MIAT: variants seen among roughly 807,000 people sequenced by gnomAD.
MIAT encodes MI related novel mRNA.
chr22:26,647,096 C>T (rs1930246559), intron 1 of MIAT: 2 of 398,214 alleles, frequency 5.0e-6, no homozygotes, highest in South Asian at 2.7e-4. Flanking sequence ...TGGGATGACA[C>T]CGTCAGCATG....
chr22:26,655,390 G>A (rs1479570802), intron 2 of MIAT, among the ~76,000 whole-genome samples: 1 of 152,202 alleles, frequency 6.6e-6, no homozygotes, highest in East Asian at 1.9e-4. Flanking sequence ...CGGTGTCTGT[G>A]GGCAGCTCTC....
chr22:26,650,769 C>A (rs2145997468), intron 2 of MIAT, among the ~76,000 whole-genome samples: 1 of 152,252 alleles, frequency 6.6e-6, no homozygotes, highest in African/African-American at 2.4e-5. Flanking sequence ...GTGGTACATC[C>A]CTTCCTAGGG....
chr22:26,647,878 T>G (rs931243041), intron 2 of MIAT, among the ~76,000 whole-genome samples: 6 of 149,968 alleles, frequency 4.0e-5, no homozygotes, highest in Non-Finnish European at 8.9e-5. Context: ...GGGCTTGGAG[T>G]GCATTGGGTG....
At chr22:26,667,407 T>C (rs895439723) in intron 5 of MIAT, 8 of 370,214 alleles carry the variant, frequency 2.2e-5, no homozygotes, top group Non-Finnish European at 3.3e-5. Flanking sequence ...TGCATGTGTG[T>C]GCGCGTGTAT....
exon 5 of MIAT, chr22:26,676,333 G>T: frequency 2.5e-6 from 1 of 398,608 alleles, no homozygotes; most frequent in Non-Finnish European, 4.4e-6. Context: ...CGAATGTGTG[G>T]GTAGAAATTT....
At chr22:26,675,695 C>CAG in exon 5 of MIAT, 1 of 398,602 alleles carries the variant, frequency 2.5e-6, no homozygotes. Flanking sequence ...GGTGGGAAGT[C>CAG]CCTGGAGAAG....
chr22:26,667,581 T>C (rs575613356), intron 5 of MIAT: 1 of 311,942 alleles, frequency 3.2e-6, no homozygotes, highest in Admixed American at 5.0e-5. Context: ...TCCTGGAGCT[T>C]GCTATGGGCT....
At chr22:26,658,470 A>C (rs1602358288) in intron 2 of MIAT, 1 of 152,164 alleles carries the variant, frequency 6.6e-6, no homozygotes, top group South Asian at 2.1e-4. Flanking sequence ...TGCATCTCCT[A>C]AAGGGTCTGA....
intron 5 of MIAT, chr22:26,667,411 C>T (rs12168780): frequency 0.15 from 53,815 of 368,870 alleles, 3,871 homozygotes; most frequent in African/African-American, 0.21. Context: ...TGTGTGTGCG[C>T]GTGTATGTGT....
intron 2 of MIAT, among the ~76,000 whole-genome samples, chr22:26,655,776 T>C (rs1270623563): frequency 1.3e-5 from 2 of 152,188 alleles, no homozygotes; most frequent in Non-Finnish European, 2.9e-5. Context: ...AACATAGATG[T>C]CTGGGCCTTC....
intron 2 of MIAT, among the ~76,000 whole-genome samples, chr22:26,654,617 A>C (rs970807372): frequency 1.3e-5 from 2 of 152,234 alleles, no homozygotes; most frequent in Non-Finnish European, 2.9e-5. Context: ...CCTTGAACCT[A>C]AGAGTTCAAG....
At chr22:26,661,961 T>TATACACAC (rs1336346956) in intron 2 of MIAT, among the ~76,000 whole-genome samples, 2 of 44,012 alleles carry the variant, frequency 4.5e-5, no homozygotes, top group African/African-American at 7.8e-5. Context: ...TATATATATA[T>TATACACAC]ACACACACAC....
intron 2 of MIAT, among the ~76,000 whole-genome samples, chr22:26,648,705 T>C (rs779215592): frequency 6.6e-6 from 1 of 152,230 alleles, no homozygotes; most frequent in Admixed American, 6.5e-5. Context: ...CCCTGAATTA[T>C]AGTCAAAGCA....
intron 2 of MIAT, chr22:26,650,117 T>C (rs1930311635): frequency 6.6e-6 from 1 of 152,192 alleles, no homozygotes; most frequent in African/African-American, 2.4e-5. Context: ...CATTGGAAGA[T>C]AGGGCCTCTA....
At chr22:26,673,569 G>A, downstream of MIAT, 1 of 398,600 alleles carries the variant, frequency 2.5e-6, no homozygotes, top group Non-Finnish European at 4.4e-6. Flanking sequence ...ATTTTTTTCT[G>A]ACTAACAACA....
chr22:26,676,406 G>T (rs1272738871), exon 5 of MIAT: 1 of 398,462 alleles, frequency 2.5e-6, no homozygotes, highest in Non-Finnish European at 4.4e-6. Context: ...TTGGATTTTT[G>T]TTTTCATCCA....
At chr22:26,662,561 C>T (rs2331290) in intron 2 of MIAT, among the ~76,000 whole-genome samples, 16,982 of 152,156 alleles carry the variant, frequency 0.11, 1,078 homozygotes, top group East Asian at 0.14. Context: ...TGTTTGAATT[C>T]GTAAAGAAAC....
exon 4 of MIAT, chr22:26,665,595 A>C (rs1380725271): frequency 7.5e-6 from 3 of 398,820 alleles, no homozygotes; most frequent in Non-Finnish European, 1.3e-5. Context: ...GGACGTTCAC[A>C]ACCACACTGA....
exon 5 of MIAT, chr22:26,675,562 A>G (rs925286353): frequency 2.5e-6 from 1 of 398,548 alleles, no homozygotes; most frequent in African/African-American, 2.1e-5. Flanking sequence ...CTTTTGATAA[A>G]CAGAATCCAT....
Sources: gnomAD v4.1 joint callset for allele counts (sites outside exome capture counted in the v4.1 genomes callset) on GRCh38, gnomAD v4.1.1 for gene constraint, MANE v1.5 for transcripts, NCBI Gene and HGNC (gene_info 2026-07-23, HGNC 2026-07-21) for gene names.